The following OLFM3 variants were observed in gnomAD, a reference collection of about 807,000 sequenced individuals.
OLFM3 encodes olfactomedin 3, also known as noelin-3.
A neutral mutation model predicts 48.6 loss-of-function variants in OLFM3; 20 were observed. The observed-to-expected ratio is 0.41, with a 90% CI of 0.29 to 0.60. The LOEUF is 0.60. Ranked by LOEUF, OLFM3 falls within the 20% of genes least tolerant of loss-of-function variation. The pLI is 0.28. For missense variants in OLFM3, 437 were observed against 544.3 expected, an observed-to-expected ratio of 0.80 and a Z score of 1.96; for synonymous variants, 222 against 198.1, an observed-to-expected ratio of 1.12 and a Z score of -1.01.
At chr1:101,964,487 T>C (rs1430988344) in intron 1 of OLFM3, among the ~76,000 whole-genome samples, 1 of 152,196 alleles carries the variant, frequency 6.6e-6, no homozygotes, top group Admixed American at 6.5e-5. Flanking sequence ...CAATTGAAAG[T>C]GCAGTGTGTT....
At chr1:101,821,244 C>T (rs745368230) in intron 4 of OLFM3, among the ~76,000 whole-genome samples, 2 of 151,942 alleles carry the variant, frequency 1.3e-5, no homozygotes, top group East Asian at 3.9e-4. Context: ...AATGTAAATA[C>T]TAAATTGAGT....
chr1:101,950,905 C>T (rs1324257341), intron 1 of OLFM3, among the ~76,000 whole-genome samples: 1 of 152,158 alleles, frequency 6.6e-6, no homozygotes, highest in African/African-American at 2.4e-5. Flanking sequence ...ATGAATTCCA[C>T]ATCTGCCACT....
At chr1:101,827,301 T>C (rs1282298631) in intron 3 of OLFM3, among the ~76,000 whole-genome samples, 1 of 152,054 alleles carries the variant, frequency 6.6e-6, no homozygotes, top group Admixed American at 6.6e-5. Context: ...ACGATGGAAA[T>C]TGTGTAACAG....
At chr1:101,839,099 C>T (rs937342424) in intron 1 of OLFM3, among the ~76,000 whole-genome samples, 27 of 152,102 alleles carry the variant, frequency 1.8e-4, no homozygotes, top group African/African-American at 6.5e-4. Flanking sequence ...TGATCTATTA[C>T]GTAAAGGAAA....
chr1:101,841,588 T>C (rs1274032812), intron 1 of OLFM3, among the ~76,000 whole-genome samples: 2 of 152,170 alleles, frequency 1.3e-5, no homozygotes, highest in African/African-American at 2.4e-5. Flanking sequence ...CAAGTAGCCA[T>C]TGGTGCCTCA....
At chr1:101,846,947 G>A (rs1438700804) in intron 1 of OLFM3, 1 of 1,612,288 alleles carries the variant, frequency 6.2e-7, no homozygotes, top group East Asian at 2.2e-5. Context: ...TAAGCACAGC[G>A]CCAAGCTTCA....
chr1:101,893,847 TG>T (rs1658095653), intron 1 of OLFM3: 1 of 153,518 alleles, frequency 6.5e-6, no homozygotes, highest in Non-Finnish European at 1.5e-5. Context: ...ACAAACTCCT[TG>T]CTGGAAAAAC....
chr1:101,968,652 A>G lies in OLFM3; in HGVS notation c.69+28096T>C, dbSNP rs1570675786. On this transcript the variant is annotated intron_variant, in intron 1 of 5. Coordinates refer to ENST00000370103, the MANE Select transcript of OLFM3 (RefSeq NM_058170.4). ...AAAAGGCAAAAGAAAACCAACTTCT[A>G]TTCCACTACTGTGTTTTCTCATTAC... Among the ~76,000 whole-genome samples the G allele has an allele frequency of 2.0e-5, 3 of 151,950 alleles. No individual in the cohort carries two copies. The South Asian group carries it at 6.2e-4, about 31-fold the overall frequency.
intron 1 of OLFM3, among the ~76,000 whole-genome samples, chr1:101,933,454 T>C (rs2101050859): frequency 6.6e-6 from 1 of 151,442 alleles, no homozygotes; most frequent in Middle Eastern, 3.4e-3. Flanking sequence ...CTCCAAGAAA[T>C]ATGGAACTAT....
chr1:101,865,909 G>T (rs1023013596), intron 1 of OLFM3, among the ~76,000 whole-genome samples: 1 of 152,152 alleles, frequency 6.6e-6, no homozygotes, highest in African/African-American at 2.4e-5. Context: ...TAGCTATTTG[G>T]TTGAGTGTTT....
intron 1 of OLFM3, among the ~76,000 whole-genome samples, chr1:101,947,057 A>T (rs192972752): frequency 2.6e-5 from 4 of 152,266 alleles, no homozygotes; most frequent in Admixed American, 2.6e-4. Context: ...AGACAATTGC[A>T]TGGTTTCATT....
At chr1:101,833,124 T>C (rs1299097849) in intron 2 of OLFM3, among the ~76,000 whole-genome samples, 1 of 152,232 alleles carries the variant, frequency 6.6e-6, no homozygotes, top group Non-Finnish European at 1.5e-5. Context: ...ATGGGCAAGA[T>C]AAGGTATTCT....
At chr1:101,961,043 C>T (rs566050691) in intron 1 of OLFM3, among the ~76,000 whole-genome samples, 1 of 152,162 alleles carries the variant, frequency 6.6e-6, no homozygotes, top group Admixed American at 6.6e-5. Flanking sequence ...ATTTGGATAA[C>T]ATATGTAAAT....
At chr1:101,931,923 C>T (rs1202197659) in intron 1 of OLFM3, among the ~76,000 whole-genome samples, 1 of 152,174 alleles carries the variant, frequency 6.6e-6, no homozygotes, top group Non-Finnish European at 1.5e-5. Flanking sequence ...CCGGGACACA[C>T]TCATCTTGTT....
At chr1:101,863,330 A>C (rs1455110459) in intron 1 of OLFM3, among the ~76,000 whole-genome samples, 1 of 152,186 alleles carries the variant, frequency 6.6e-6, no homozygotes, top group East Asian at 1.9e-4. Flanking sequence ...TGCTATACTC[A>C]TACTCCATTC....
At chr1:101,877,364 C>T (rs1657342938) in intron 1 of OLFM3, among the ~76,000 whole-genome samples, 1 of 151,922 alleles carries the variant, frequency 6.6e-6, no homozygotes, top group South Asian at 2.1e-4. Flanking sequence ...TGTACCTTGA[C>T]TACTATTTTA....
At chr1:101,974,931 A>C (rs1660909757) in intron 1 of OLFM3, among the ~76,000 whole-genome samples, 1 of 152,094 alleles carries the variant, frequency 6.6e-6, no homozygotes, top group Non-Finnish European at 1.5e-5. Context: ...TCTTTATTCC[A>C]TCTTTCATAA....
chr1:101,986,358 A>G (rs997505183), intron 1 of OLFM3, among the ~76,000 whole-genome samples: 2 of 152,128 alleles, frequency 1.3e-5, no homozygotes, highest in African/African-American at 4.8e-5. Context: ...CATCTTGTAC[A>G]TGAGGAAATG....
At chr1:101,886,224 G>A (rs749077939) in intron 1 of OLFM3, among the ~76,000 whole-genome samples, 12 of 151,840 alleles carry the variant, frequency 7.9e-5, no homozygotes, top group Non-Finnish European at 1.2e-4. Flanking sequence ...TTTGAAATGT[G>A]TAAGAAAACA....
Sources: allele counts gnomAD v4.1 joint callset (sites outside exome capture counted in the v4.1 genomes callset), GRCh38; gene constraint gnomAD v4.1.1; transcripts MANE v1.5; gene names NCBI Gene and HGNC (gene_info 2026-07-23, HGNC 2026-07-21).